Variants in SAXO1 observed in about 807,000 individuals in gnomAD.
The protein encoded by SAXO1 is stabilizer of axonemal microtubules 1.
A neutral mutation model predicts 17.5 loss-of-function variants in SAXO1; 21 were observed. The observed-to-expected ratio is 1.20, with a 90% CI of 0.85 to 1.72. The LOEUF is 1.72. Ranked by LOEUF, SAXO1 falls within the 40% of genes most tolerant of loss-of-function variation. The probability of loss-of-function intolerance (pLI) is 0.00; values close to 1 mark genes in which losing one functional copy is unlikely to be tolerated. For synonymous variants in SAXO1, 274 were observed against 216.5 expected (o/e 1.27, Z -2.33); for missense variants, 843 against 596.0 (o/e 1.41, Z -4.32).
chr9:19,046,425 G>A (rs1176653303), intron 1 of SAXO1, among the ~76,000 whole-genome samples: 1 of 152,188 alleles, frequency 6.6e-6, no homozygotes, highest in Non-Finnish European at 1.5e-5. Flanking sequence ...GCCAGGTGCG[G>A]TGGCTCACGC....
At chr9:19,041,135 T>C (rs1307707034) in intron 1 of SAXO1, among the ~76,000 whole-genome samples, 1 of 148,342 alleles carries the variant, frequency 6.7e-6, no homozygotes, top group Non-Finnish European at 1.5e-5. Flanking sequence ...TCAGGAGCAC[T>C]TCTACCTGCC....
intron 1 of SAXO1, among the ~76,000 whole-genome samples, chr9:18,984,438 T>G (rs1397078274): frequency 2.0e-5 from 3 of 152,236 alleles, no homozygotes; most frequent in African/African-American, 7.2e-5. Flanking sequence ...CACTGAAAAT[T>G]TGTTGTGTTT....
chr9:18,933,862 T>C (rs111472533), intron 3 of SAXO1, among the ~76,000 whole-genome samples: 4,005 of 152,154 alleles, frequency 0.026, 72 homozygotes, highest in Middle Eastern at 0.044. Context: ...CTGGCCAACA[T>C]GGTGAAACCC....
upstream of SAXO1, among the ~76,000 whole-genome samples, chr9:19,035,466 A>G (rs1267937175): frequency 6.6e-6 from 1 of 152,224 alleles, no homozygotes; most frequent in Non-Finnish European, 1.5e-5. Context: ...CTTTATCAGC[A>G]GCATGAAAAT....
chr9:18,984,647 GA>G (rs1377810321), intron 1 of SAXO1, among the ~76,000 whole-genome samples: 1 of 152,210 alleles, frequency 6.6e-6, no homozygotes, highest in Non-Finnish European at 1.5e-5. Flanking sequence ...TCACAGAACT[GA>G]AAAGAGTTAG....
intron 1 of SAXO1, among the ~76,000 whole-genome samples, chr9:19,023,201 C>T (rs1481023914): frequency 7.6e-6 from 1 of 131,406 alleles, no homozygotes; most frequent in Non-Finnish European, 1.5e-5. Context: ...TTATTACATG[C>T]AAGTTAGTAA....
At chr9:18,990,898 C>A (rs1369932168) in intron 1 of SAXO1, among the ~76,000 whole-genome samples, 1 of 152,108 alleles carries the variant, frequency 6.6e-6, no homozygotes, top group African/African-American at 2.4e-5. Context: ...GCTCAGGGCT[C>A]CCATTGATTC....
chr9:18,995,424 G>A (rs1205911424), intron 1 of SAXO1, among the ~76,000 whole-genome samples: 5 of 152,128 alleles, frequency 3.3e-5, no homozygotes, highest in East Asian at 1.9e-4. Flanking sequence ...AAAGTTATCC[G>A]TCCAACCAAG....
intron 1 of SAXO1, among the ~76,000 whole-genome samples, chr9:19,000,950 G>C (rs1323999833): frequency 6.6e-6 from 1 of 152,134 alleles, no homozygotes; most frequent in Admixed American, 6.5e-5. Context: ...AGTTCTTAGA[G>C]ATCTACAAAG....
chr9:18,955,068 C>A (rs1832202624), intron 1 of SAXO1, among the ~76,000 whole-genome samples: 1 of 152,114 alleles, frequency 6.6e-6, no homozygotes, highest in Admixed American at 6.5e-5. Context: ...ATAGTGGCAC[C>A]TGCCTATCGT....
intron 1 of SAXO1, 63 bp downstream of exon 1, chr9:19,032,808 C>A: frequency 6.4e-7 from 1 of 1,571,270 alleles, no homozygotes; most frequent in Non-Finnish European, 8.6e-7. Context: ...GGGGAGGCTT[C>A]CCTTCCTCGG....
At chr9:18,941,904 C>A in intron 2 of SAXO1, 65 bp from the exon 3 acceptor site, 2 of 1,451,776 alleles carry the variant, frequency 1.4e-6, no homozygotes, top group South Asian at 2.3e-5. Flanking sequence ...GTTTTCTGCT[C>A]AACCCAACTC....
In SAXO1 at chr9:19,045,862, T is replaced by C. The variant is rs143190705; in HGVS notation, c.-158+3347A>G. Among the ~76,000 whole-genome samples the C allele has an allele frequency of 5.2e-3, 786 of 152,274 alleles. 6 individuals are homozygous for C. Among genetic ancestry groups the C allele is most frequent in the African/African-American group, 0.018 (754 of 41,546 alleles). On this transcript the variant is annotated intron_variant, in intron 1 of 3. Transcript: ENST00000542071. Reference sequence around the variant, plus strand: ...TTTCCATAAACTACAGCAAAGGCCATTTTTGAACTTCTTTTACTGCCGGGC... The same window carrying C: ...TTTCCATAAACTACAGCAAAGGCCACTTTTGAACTTCTTTTACTGCCGGGC...
chr9:19,047,159 C>G (rs538874643), intron 1 of SAXO1, among the ~76,000 whole-genome samples: 1 of 152,262 alleles, frequency 6.6e-6, no homozygotes, highest in African/African-American at 2.4e-5. Context: ...TGCACTCCGG[C>G]CTAGGCTGCT....
At chr9:18,961,792 A>G (rs564196932) in intron 1 of SAXO1, among the ~76,000 whole-genome samples, 1 of 152,310 alleles carries the variant, frequency 6.6e-6, no homozygotes, top group South Asian at 2.1e-4. Context: ...GTGCTTCAAT[A>G]AACATACGTG....
intron 2 of SAXO1, among the ~76,000 whole-genome samples, chr9:18,944,596 T>G (rs1021606615): frequency 2.6e-5 from 4 of 152,166 alleles, no homozygotes; most frequent in African/African-American, 9.7e-5. Context: ...GTAAGTTTCT[T>G]TTAGGTAAGT....
intron 3 of SAXO1, 31 bp from the exon 4 acceptor site, chr9:18,929,086 A>G: frequency 6.2e-7 from 1 of 1,604,570 alleles, no homozygotes; most frequent in East Asian, 2.2e-5. Context: ...GTAATTAATA[A>G]TAAATCAAGT....
chr9:19,023,413 C>G (rs1304132131), intron 1 of SAXO1, among the ~76,000 whole-genome samples: 1 of 152,148 alleles, frequency 6.6e-6, no homozygotes, highest in Non-Finnish European at 1.5e-5. Context: ...ATTCAATCCT[C>G]TCAATAACTC....
intron 1 of SAXO1, among the ~76,000 whole-genome samples, chr9:19,030,671 A>T (rs903714387): frequency 1.3e-5 from 2 of 152,126 alleles, no homozygotes; most frequent in African/African-American, 4.8e-5. Flanking sequence ...GCGCCACTGC[A>T]CGACAGAGTA....
Sources: allele counts gnomAD v4.1 joint callset (sites outside exome capture counted in the v4.1 genomes callset), GRCh38; gene constraint gnomAD v4.1.1; transcripts MANE v1.5; gene names NCBI Gene and HGNC (gene_info 2026-07-23, HGNC 2026-07-21).